KSR2: variants seen among roughly 807,000 people sequenced by gnomAD.
The protein encoded by KSR2 is kinase suppressor of ras 2.
A neutral mutation model predicts 107.8 loss-of-function variants in KSR2; 25 were observed. The observed-to-expected ratio is 0.23, with a 90% CI of 0.17 to 0.32. KSR2 has a LOEUF of 0.32. KSR2 is among the 10% of genes least tolerant of loss of function. The probability of loss-of-function intolerance (pLI) is 1.00; values close to 1 mark genes in which losing one functional copy is unlikely to be tolerated. For missense variants in KSR2, 887 were observed against 1,268.9 expected (o/e 0.70, Z 4.57); for synonymous variants, 480 against 507.0 (o/e 0.95, Z 0.71).
chr12:117,849,408 T>C (rs1287122910), intron 3 of KSR2, among the ~76,000 whole-genome samples: 1 of 152,118 alleles, frequency 6.6e-6, no homozygotes, highest in African/African-American at 2.4e-5. Context: ...ACCAATTTCG[T>C]TGAATGAGTG....
chr12:117,732,006 C>G (rs143759090), intron 4 of KSR2, among the ~76,000 whole-genome samples: 293 of 147,236 alleles, frequency 2.0e-3, no homozygotes, highest in African/African-American at 4.5e-3. Flanking sequence ...ATCCCCCTCT[C>G]CGAGAAACAC....
intron 1 of KSR2, among the ~76,000 whole-genome samples, chr12:117,916,783 G>A (rs12319386): frequency 8.9e-4 from 136 of 152,150 alleles, no homozygotes; most frequent in African/African-American, 2.9e-3. Flanking sequence ...GAATAGAAGC[G>A]CCCCATTCAA....
At chr12:117,832,293 A>G (rs750250536) in intron 3 of KSR2, among the ~76,000 whole-genome samples, 2 of 152,110 alleles carry the variant, frequency 1.3e-5, no homozygotes, top group African/African-American at 2.4e-5. Flanking sequence ...TCAAAAACAA[A>G]ACAAAACAAA....
intron 4 of KSR2, among the ~76,000 whole-genome samples, chr12:117,681,907 C>A (rs1565958813): frequency 6.6e-6 from 1 of 152,102 alleles, no homozygotes; most frequent in African/African-American, 2.4e-5. Flanking sequence ...AACTAGCAAT[C>A]TCATTAAAGG....
intron 5 of KSR2, among the ~76,000 whole-genome samples, chr12:117,638,275 T>C (rs1199523163): frequency 6.6e-6 from 1 of 152,206 alleles, no homozygotes; most frequent in Non-Finnish European, 1.5e-5. Context: ...GTGTAATAGT[T>C]TTGAAGTCCT....
At chr12:117,896,368 G>A (rs1894508677) in intron 1 of KSR2, among the ~76,000 whole-genome samples, 1 of 152,108 alleles carries the variant, frequency 6.6e-6, no homozygotes, top group South Asian at 2.1e-4. Context: ...GCCAGGGGCT[G>A]GTGGGAGGTG....
chr12:117,682,608 G>A (rs994392102), intron 4 of KSR2, among the ~76,000 whole-genome samples: 16 of 151,900 alleles, frequency 1.1e-4, no homozygotes, highest in Non-Finnish European at 1.3e-4. Flanking sequence ...TTAGTGAGAC[G>A]GGGTTTCTCC....
intron 5 of KSR2, among the ~76,000 whole-genome samples, chr12:117,624,653 C>T (rs1471903699): frequency 6.6e-6 from 1 of 152,146 alleles, no homozygotes; most frequent in Non-Finnish European, 1.5e-5. Context: ...AGCGTGATGC[C>T]TCCAGCTTTG....
intron 5 of KSR2, among the ~76,000 whole-genome samples, chr12:117,625,111 G>A (rs373722492): frequency 1.5e-4 from 23 of 152,232 alleles, no homozygotes; most frequent in African/African-American, 3.4e-4. Flanking sequence ...GGGCTGAGGC[G>A]ATGGGGTTTT....
intron 1 of KSR2, among the ~76,000 whole-genome samples, chr12:117,862,577 G>C (rs1018488669): frequency 6.6e-6 from 1 of 152,138 alleles, no homozygotes; most frequent in African/African-American, 2.4e-5. Flanking sequence ...CCCAGGAGGT[G>C]GAGGCTGCAG....
chr12:117,830,209 A>G (rs1413046110), intron 3 of KSR2, among the ~76,000 whole-genome samples: 1 of 152,140 alleles, frequency 6.6e-6, no homozygotes. Context: ...CAGAGGTTGC[A>G]GTGAGCGAAG....
In KSR2 at chr12:117,735,173, C is replaced by T. The variant is rs150049087; in HGVS notation, c.986+25838G>A. Among the ~76,000 whole-genome samples, 219 of 152,294 alleles carry T rather than the reference C, an allele frequency of 1.4e-3. 1 individual carries two copies. Among genetic ancestry groups the T allele is most frequent in the African/African-American group, 4.4e-3 (182 of 41,562 alleles). On this transcript the variant is annotated intron_variant, in intron 4 of 19. Coordinates refer to ENST00000339824, the MANE Select transcript of KSR2 (RefSeq NM_173598.6). ...AAGCACAGTGGAGACGTTGGCCCTG[C>T]AAGGAATTGTTCTGTCTCCCCATTT... is the stretch of plus-strand genomic sequence containing the variant.
intron 9 of KSR2, among the ~76,000 whole-genome samples, chr12:117,550,855 A>G (rs1877250434): frequency 6.6e-6 from 1 of 152,202 alleles, no homozygotes; most frequent in Non-Finnish European, 1.5e-5. Context: ...TTTGGGTCCA[A>G]GGAGCTGGAC....
At chr12:117,836,769 A>G (rs1892231343) in intron 3 of KSR2, among the ~76,000 whole-genome samples, 1 of 152,092 alleles carries the variant, frequency 6.6e-6, no homozygotes, top group East Asian at 1.9e-4. Flanking sequence ...GCACCAGAAC[A>G]CTGATTTCAA....
chr12:117,591,193 C>T (rs1880292148), intron 5 of KSR2, among the ~76,000 whole-genome samples: 1 of 152,150 alleles, frequency 6.6e-6, no homozygotes, highest in South Asian at 2.1e-4. Flanking sequence ...GGCAATGTCT[C>T]TACATGCAAC....
intron 5 of KSR2, among the ~76,000 whole-genome samples, chr12:117,640,883 C>T (rs1294564932): frequency 6.6e-6 from 1 of 152,112 alleles, no homozygotes; most frequent in Non-Finnish European, 1.5e-5. Context: ...TGTCACTTCC[C>T]CCCAAAAGCA....
At chr12:117,949,239 A>C (rs1021931221) in intron 1 of KSR2, among the ~76,000 whole-genome samples, 2 of 152,210 alleles carry the variant, frequency 1.3e-5, no homozygotes, top group Non-Finnish European at 1.5e-5. Flanking sequence ...TGAGAAAATA[A>C]ATTCAAAAGT....
chr12:117,489,588 CAATT>C (rs1296232545), intron 14 of KSR2, among the ~76,000 whole-genome samples: 1 of 148,358 alleles, frequency 6.7e-6, no homozygotes, highest in Non-Finnish European at 1.5e-5. Flanking sequence ...AAAGAATTAA[CAATT>C]AATATAATTA....
chr12:117,633,600 G>T (rs959063472), intron 5 of KSR2, among the ~76,000 whole-genome samples: 1 of 152,130 alleles, frequency 6.6e-6, no homozygotes, highest in African/African-American at 2.4e-5. Context: ...CCTGATAGTT[G>T]CTGGCAATCC....
Sources: allele counts gnomAD v4.1 joint callset (sites outside exome capture counted in the v4.1 genomes callset), GRCh38; gene constraint gnomAD v4.1.1; transcripts MANE v1.5; gene names NCBI Gene and HGNC (gene_info 2026-07-23, HGNC 2026-07-21).